Variants in ZDHHC23 observed in about 807,000 individuals in gnomAD.
ZDHHC23 encodes palmitoyltransferase ZDHHC23.
Under a neutral mutation model 40.2 loss-of-function variants are expected in ZDHHC23, and 41 were observed. The ratio of observed to expected loss-of-function variants is 1.02; its 90% CI spans 0.79 to 1.32. The LOEUF is 1.32. Among genes scored for constraint, ZDHHC23 ranks in the 40% most tolerant of loss-of-function variants. ZDHHC23 has a pLI of 0.00. For synonymous variants in ZDHHC23, 204 were observed against 210.2 expected, an observed-to-expected ratio of 0.97 and a Z score of 0.26; for missense variants, 471 against 541.5, an observed-to-expected ratio of 0.87 and a Z score of 1.29.
chr3:113,954,916 T>G (rs1350817777), intron 3 of ZDHHC23, among the ~76,000 whole-genome samples: 1 of 152,146 alleles, frequency 6.6e-6, no homozygotes, highest in Non-Finnish European at 1.5e-5. Flanking sequence ...CCAGATAAAC[T>G]CTCTATTTGA....
chr3:113,967,617 TTTATC>T (rs1437007723), downstream of ZDHHC23, among the ~76,000 whole-genome samples: 32 of 152,302 alleles, frequency 2.1e-4, no homozygotes, highest in Admixed American at 1.5e-3. Context: ...ACCTTAAATA[TTTATC>T]TTTTATTTAC....
At position 113,960,819 on chromosome 3, in the gene ZDHHC23, C is replaced by T; in HGVS notation, c.*2189C>T. On this transcript the variant is annotated 3_prime_UTR_variant, in exon 5 of 5. Transcript: ENST00000638807. ...GCACGAAGATACTTGTTTTAAGTTC[C>T]TTGAGAACCCATGATGGACAGTTGA... 6.7e-7 allele frequency: 1 copy of T among 1,497,390 alleles called. No homozygotes were observed. The highest frequency in any genetic ancestry group is 2.5e-5 in the East Asian group (1 of 40,010). The allele number at this position is 1,497,390 out of a possible 1,614,324, so 92.8% of individuals were successfully genotyped here. A position where few individuals can be genotyped will look rare whatever the true frequency, so the allele number is the denominator to read the frequency against.
downstream of ZDHHC23, among the ~76,000 whole-genome samples, chr3:113,970,084 C>T (rs1376435237): frequency 6.6e-6 from 1 of 151,926 alleles, no homozygotes; most frequent in East Asian, 1.9e-4. Flanking sequence ...AAAGTGGTTC[C>T]CAGGTATTTT....
chr3:113,975,230 A>C, the ZDHHC23 span, among the ~76,000 whole-genome samples: 1 of 152,206 alleles, frequency 6.6e-6, no homozygotes. Flanking sequence ...ATTATCCGGA[A>C]GTGATACAGA....
At chr3:113,957,849 C>G (rs1027766357) in intron 4 of ZDHHC23, 2 of 517,862 alleles carry the variant, frequency 3.9e-6, no homozygotes, top group Non-Finnish European at 7.7e-6. Flanking sequence ...TTCCTACATC[C>G]AGGTAAGCAC....
rs1176112749 is a variant in ZDHHC23, at chr3:113,953,698, A to G, written c.162-2A>G. The G allele has an allele frequency of 4.4e-6, 7 of 1,607,886 alleles. No individual in the cohort carries two copies. In the Admixed American group the frequency reaches 1.2e-4, roughly 27 times the overall value. ...CCTCCTCTTTGTGCTTTTTCTGAATAGATGGATTACATGTAAATCTTTACA... is the reference window on the plus strand; with the variant it reads ...CCTCCTCTTTGTGCTTTTTCTGAATGGATGGATTACATGTAAATCTTTACA... On this transcript the variant is annotated splice_acceptor_variant, in intron 2 of 4. Coordinates refer to ENST00000638807, the MANE Select transcript of ZDHHC23 (RefSeq NM_001320466.2). LOFTEE classifies it high-confidence loss of function.
chr3:113,966,053 G>C (rs147311549), downstream of ZDHHC23, among the ~76,000 whole-genome samples: 540 of 152,166 alleles, frequency 3.5e-3, 13 homozygotes, highest in Non-Finnish European at 9.1e-4. Context: ...AGTGATGCTG[G>C]CAAGGGATCC....
At chr3:113,978,368 A>G in the ZDHHC23 span, 1 of 1,604,438 alleles carries the variant, frequency 6.2e-7, no homozygotes, top group South Asian at 1.1e-5. Context: ...GAGACAAAAA[A>G]TATCAGTTGA....
At position 113,960,710 on chromosome 3, in the gene ZDHHC23, C is replaced by A; in HGVS notation, c.*2080C>A. On this transcript the variant is annotated 3_prime_UTR_variant, in exon 5 of 5. Transcript: ENST00000638807. ...GATGACAATTTTTTTTAACAACTTA[C>A]CTCTAATAGGGTTACTTGGATGAGC... is the stretch of plus-strand genomic sequence containing the variant. The A allele has an allele frequency of 1.2e-6, 2 of 1,603,642 alleles. No homozygotes were observed. Among genetic ancestry groups the A allele is most frequent in the South Asian group, 1.1e-5 (1 of 89,154 alleles).
intron 2 of ZDHHC23, among the ~76,000 whole-genome samples, chr3:113,953,324 T>C (rs1559842924): frequency 6.6e-6 from 1 of 152,228 alleles, no homozygotes; most frequent in Non-Finnish European, 1.5e-5. Flanking sequence ...CACAAGAGTT[T>C]ATTGATTATT....
chr3:113,973,231 CTTGT>C, the ZDHHC23 span, among the ~76,000 whole-genome samples: 3 of 152,016 alleles, frequency 2.0e-5, no homozygotes, highest in Non-Finnish European at 4.4e-5. Flanking sequence ...TTGACTTTTT[CTTGT>C]TTTAGTTTCC....
chr3:113,955,387 T>TGC (rs1553732070), intron 3 of ZDHHC23, among the ~76,000 whole-genome samples: 23 of 143,460 alleles, frequency 1.6e-4, no homozygotes, highest in South Asian at 4.4e-4. Context: ...TGTGTGTGTG[T>TGC]GTGTGCGTGT....
chr3:113,958,299 A>G lies in ZDHHC23; in HGVS notation c.1041-64A>G. On this transcript the variant is annotated intron_variant, in intron 4 of 4. Transcript: ENST00000638807. ...AGTAAAAAAATGTGTAAAACGTGAG[A>G]ATGATGACAGTTTTCTGAATTTGAC... 4 of 1,444,386 alleles carry G rather than the reference A, an allele frequency of 2.8e-6. No homozygotes were observed. In the South Asian group the frequency reaches 5.1e-5, roughly 18 times the overall value. 89.5% of individuals were successfully genotyped at this position (1,444,386 alleles called of 1,614,324 possible).
chr3:113,952,606 T>TA (rs377225134), intron 2 of ZDHHC23, among the ~76,000 whole-genome samples: 92 of 152,348 alleles, frequency 6.0e-4, no homozygotes, highest in African/African-American at 2.0e-3. Flanking sequence ...ATATCTGTTG[T>TA]AGCAACATCC....
chr3:113,951,505 G>C (rs1474779652), intron 2 of ZDHHC23, among the ~76,000 whole-genome samples: 2 of 152,328 alleles, frequency 1.3e-5, no homozygotes, highest in Non-Finnish European at 2.9e-5. Flanking sequence ...AGCTGCCATG[G>C]AGGGTGCACC....
chr3:113,964,019 T>A (rs184301475), downstream of ZDHHC23: 6 of 152,268 alleles, frequency 3.9e-5, no homozygotes, highest in Non-Finnish European at 5.9e-5. Context: ...AGAAATAAAG[T>A]TCAATTCAAG....
At position 113,955,523 on chromosome 3, in the gene ZDHHC23, G is replaced by A. The variant is rs1939135002; in HGVS notation, c.873-816G>A. Among the ~76,000 whole-genome samples the A allele has an allele frequency of 2.0e-5, 3 of 152,134 alleles. No individual in the cohort carries two copies. The South Asian group carries it at 6.2e-4, about 31-fold the overall frequency. On this transcript the variant is annotated intron_variant, in intron 3 of 4. Coordinates refer to ENST00000638807, the MANE Select transcript of ZDHHC23 (RefSeq NM_001320466.2). ...TACATTCTGCCCCACAAATGGCCAT[G>A]ACACAGAACTGTTTTTACCTGCCAA... is the stretch of plus-strand genomic sequence containing the variant.
At chr3:113,973,215 A>G in the ZDHHC23 span, among the ~76,000 whole-genome samples, 1 of 152,080 alleles carries the variant, frequency 6.6e-6, no homozygotes, top group Non-Finnish European at 1.5e-5. Context: ...GAAATCCCCC[A>G]ACATTTTGAC....
the ZDHHC23 span, chr3:113,978,157 G>A: frequency 6.2e-7 from 1 of 1,612,026 alleles, no homozygotes; most frequent in African/African-American, 1.3e-5. Flanking sequence ...AAGTCAGAGA[G>A]TGAATTTTCC....
Sources: gnomAD v4.1 joint callset for allele counts (sites outside exome capture counted in the v4.1 genomes callset) on GRCh38, gnomAD v4.1.1 for gene constraint, MANE v1.5 for transcripts, NCBI Gene and HGNC (gene_info 2026-07-23, HGNC 2026-07-21) for gene names.